ATP1A3: variants seen among roughly 807,000 people sequenced by gnomAD.
ATP1A3 encodes sodium/potassium-transporting ATPase subunit alpha-3.
ATP1A3 carries 12 observed loss-of-function variants against 108.8 expected under a neutral mutation model. The ratio of observed to expected loss-of-function variants is 0.11; its 90% confidence interval spans 0.07 to 0.18. ATP1A3 has a LOEUF of 0.18. Among genes scored for constraint, ATP1A3 ranks in the 10% least tolerant of loss-of-function variants. ATP1A3 has a pLI of 1.00. For missense variants in ATP1A3, 498 were observed against 1,387.7 expected, an observed-to-expected ratio of 0.36 and a Z score of 10.19; for synonymous variants, 539 against 564.5, an observed-to-expected ratio of 0.95 and a Z score of 0.64.
chr19:41,993,525 AC>A, intron 1 of ATP1A3: 1 of 1,239,632 alleles, frequency 8.1e-7, no homozygotes, highest in Non-Finnish European at 1.1e-6. Flanking sequence ...ACACACACAC[AC>A]ACACACACAC....
In ATP1A3 at chr19:41,966,643, G is replaced by A. The variant is rs1219575913; in HGVS notation, c.*294C>T. The A allele has an allele frequency of 6.6e-7, 1 of 1,506,468 alleles. No individual in the cohort carries two copies. The highest frequency in any genetic ancestry group is 8.9e-7 in the Non-Finnish European group (1 of 1,118,940). The allele number at this position is 1,506,468 out of a possible 1,614,324, so 93.3% of individuals were successfully genotyped here. A position where few individuals can be genotyped will look rare whatever the true frequency, so the allele number is the denominator to read the frequency against. On this transcript the variant is annotated 3_prime_UTR_variant, in exon 23 of 23. Transcript: ENST00000648268. ...GAACCAGAGATGGCATCAGCCGGGGGGCTGAAGGGGAGTAAAAAAGAGCCC... is the reference window on the plus strand; with the variant it reads ...GAACCAGAGATGGCATCAGCCGGGGAGCTGAAGGGGAGTAAAAAAGAGCCC...
chr19:41,991,219 G>A (rs1382505944), intron 1 of ATP1A3, among the ~76,000 whole-genome samples: 1 of 152,256 alleles, frequency 6.6e-6, no homozygotes, highest in African/African-American at 2.4e-5. Context: ...GCGCGGCTCA[G>A]CGCTAATCTC....
chr19:41,984,855 C>T lies in ATP1A3; in HGVS notation c.993+63G>A, dbSNP rs542298631. 8.1e-4 allele frequency: 1,262 copies of T among 1,551,408 alleles called. 3 individuals are homozygous for T. The highest frequency in any genetic ancestry group is 1.1e-3 in the Non-Finnish European group (1,210 of 1,144,890). On this transcript the variant is annotated intron_variant, in intron 8 of 22. Transcript: ENST00000648268. The stretch of plus-strand genomic sequence containing the variant: ...GGGTCCAGGATCCCAGCCCCTCCTC[C>T]CTCAGACCCAGGAGCCCAGACCCCC...
intron 1 of ATP1A3, chr19:41,992,833 C>T: frequency 6.5e-6 from 1 of 153,910 alleles, no homozygotes; most frequent in Non-Finnish European, 1.4e-5. Context: ...ACTCCGTTTC[C>T]TAAGACCACC....
At position 41,976,508 on chromosome 19, in the gene ATP1A3, T is replaced by G; in HGVS notation, c.2002A>C (p.Ile668Leu). The G allele has an allele frequency of 6.2e-7, 1 of 1,614,038 alleles. No homozygotes were observed. The highest frequency in any genetic ancestry group is 8.5e-7 in the Non-Finnish European group (1 of 1,180,012). The change falls in exon 15 of 23, where the codon ATC becomes CTC. Residue 668 changes from isoleucine (I) to leucine (L), a missense_variant. Transcript: ENST00000648268. Reference protein sequence around the residue: ...TDLKDFTSEQIDEILQNHTEI... With the variant: ...TDLKDFTSEQLDEILQNHTEI... ...GTGTGATTCTGCAGGATCTCGTCGA[T>G]TTGCTCGGAGGTGAAGTCCTTGAGG...
In ATP1A3 at chr19:41,978,670, C is replaced by T; in HGVS notation, c.1566G>A (p.Glu522=). ...LLQGKEQPLD[E]EMKEAFQNAY... is the part of the protein sequence containing the mutation. ...CATTCTGGAAGGCCTCCTTCATTTC[C>T]TCGTCCAGAGGCTGCTCCTTGCCCT... The change falls in exon 12 of 23, where the codon GAG becomes GAA. Residue 522 remains glutamate (E), a synonymous_variant. Transcript: ENST00000648268. The surrounding 1 kb of genome is among the most constrained non-coding windows in gnomAD (Gnocchi z 8.3). The T allele has an allele frequency of 6.2e-7, 1 of 1,614,086 alleles. No individual in the cohort carries two copies. Among genetic ancestry groups the T allele is most frequent in the African/African-American group, 1.3e-5 (1 of 75,032 alleles).
chr19:41,968,981 G>T lies in ATP1A3; in HGVS notation c.2689-66C>A. On this transcript the variant is annotated intron_variant, in intron 19 of 22. Coordinates refer to ENST00000648268, the MANE Select transcript of ATP1A3 (RefSeq NM_152296.5). This position sits in a 1 kb window ranked among gnomAD's most constrained non-coding sequence, Gnocchi z 5.0. Reference sequence around the variant, plus strand: ...GCACTGCAGCCCTAGCCGCCACCCCGACGTTCCGGTGCTCTTTGCCCCGCC... The same window carrying T: ...GCACTGCAGCCCTAGCCGCCACCCCTACGTTCCGGTGCTCTTTGCCCCGCC... 1.2e-6 allele frequency: 2 copies of T among 1,609,156 alleles called. No homozygotes were observed. Among genetic ancestry groups the T allele is most frequent in the Non-Finnish European group, 1.7e-6 (2 of 1,178,012 alleles).
rs1178386479 is a variant in ATP1A3 at position 41,966,818 on chromosome 19, A to G, written c.*119T>C. 18 of 1,538,500 alleles carry G rather than the reference A, an allele frequency of 1.2e-5. No individual in the cohort carries two copies. The East Asian group carries it at 3.9e-4, about 34-fold the overall frequency. The stretch of plus-strand genomic sequence containing the variant: ...GGAGATAGTGGAGGGGGTGGGGGCC[A>G]AGGTGGGGCCACAGGAAGAGAGGGC... On this transcript the variant is annotated 3_prime_UTR_variant, in exon 23 of 23. Transcript: ENST00000648268.
At chr19:41,982,748 C>A (rs1004976827) in intron 8 of ATP1A3, among the ~76,000 whole-genome samples, 1 of 152,162 alleles carries the variant, frequency 6.6e-6, no homozygotes. Flanking sequence ...GCTGCCTGCA[C>A]CTGCATGGGT....
chr19:41,993,990 GC>G, intron 1 of ATP1A3, 80 bp downstream of exon 1: 2 of 1,585,796 alleles, frequency 1.3e-6, no homozygotes, highest in African/African-American at 1.4e-5. Flanking sequence ...GGGTCCCGGT[GC>G]CCCCGCCCCC....
intron 1 of ATP1A3, chr19:41,993,607 C>T: frequency 1.1e-6 from 1 of 928,284 alleles, no homozygotes; most frequent in South Asian, 1.7e-5. Context: ...TGGTGTCCAT[C>T]CCACAACGTG....
chr19:41,987,489 G>A (rs1405548023), intron 4 of ATP1A3, among the ~76,000 whole-genome samples: 2 of 152,330 alleles, frequency 1.3e-5, no homozygotes. Flanking sequence ...CTACCCAGGT[G>A]AGCAGCTCTG....
Position 41,968,775 on chromosome 19 carries a change from CG to C in ATP1A3, c.2819+9del. On this transcript the variant is annotated intron_variant, in intron 20 of 22. Coordinates refer to ENST00000648268, the MANE Select transcript of ATP1A3 (RefSeq NM_152296.5). This position sits in a 1 kb window ranked among gnomAD's most constrained non-coding sequence, Gnocchi z 5.0. ...TGGCTGTCCAGTCACCATGTGCCCC[CG>C]GCCCTCACTTCATGCCCTGCTGGAA... 6.2e-7 allele frequency: 1 copy of C among 1,613,654 alleles called. No homozygotes were observed. Among genetic ancestry groups the C allele is most frequent in the Non-Finnish European group, 8.5e-7 (1 of 1,179,624 alleles).
At position 41,966,771 on chromosome 19, in the gene ATP1A3, G is replaced by C; in HGVS notation, c.*166C>G. 2 of 1,489,182 alleles carry C rather than the reference G, an allele frequency of 1.3e-6. No homozygotes were observed. Among genetic ancestry groups the C allele is most frequent in the South Asian group, 1.2e-5 (1 of 81,438 alleles). The allele number at this position is 1,489,182 out of a possible 1,614,324, so 92.2% of individuals were successfully genotyped here. A position where few individuals can be genotyped will look rare whatever the true frequency, so the allele number is the denominator to read the frequency against. The stretch of plus-strand genomic sequence containing the variant: ...GAGAGGTTTGGGGCAGGGGAGAGAA[G>C]CCAGCCAGAGTGGGGGCGGCAGGAG... On this transcript the variant is annotated 3_prime_UTR_variant, in exon 23 of 23. Transcript: ENST00000648268.
chr19:41,989,476 G>A (rs1049220432), intron 1 of ATP1A3, among the ~76,000 whole-genome samples: 2 of 151,960 alleles, frequency 1.3e-5, no homozygotes, highest in African/African-American at 4.8e-5. Flanking sequence ...CCGCCACTAC[G>A]CCCGGCTCAT....
intron 1 of ATP1A3, among the ~76,000 whole-genome samples, chr19:41,990,077 CTT>C (rs1223260709): frequency 2.0e-5 from 3 of 152,072 alleles, no homozygotes; most frequent in African/African-American, 7.2e-5. Flanking sequence ...CTGTCTCTGT[CTT>C]TTTCCGTCTT....
At position 41,968,548 on chromosome 19, in the gene ATP1A3, C is replaced by T. The variant is rs549521033; in HGVS notation, c.2819+237G>A. On this transcript the variant is annotated intron_variant, in intron 20 of 22. Coordinates refer to ENST00000648268, the MANE Select transcript of ATP1A3 (RefSeq NM_152296.5). This position sits in a 1 kb window ranked among gnomAD's most constrained non-coding sequence, Gnocchi z 5.0. ...AAAATTAGCCATATATGATGGTGCA[C>T]ACCTGTAGTCTCAGCTACTCAGGAG... Among the ~76,000 whole-genome samples the T allele has an allele frequency of 1.4e-3, 207 of 152,202 alleles. No individual in the cohort carries two copies. Among genetic ancestry groups the T allele is most frequent in the African/African-American group, 4.7e-3 (197 of 41,526 alleles).
chr19:41,967,158 G>A lies in ATP1A3; in HGVS notation c.3013+91C>T, dbSNP rs781911028. On this transcript the variant is annotated intron_variant, in intron 22 of 22. Coordinates refer to ENST00000648268, the MANE Select transcript of ATP1A3 (RefSeq NM_152296.5). This position sits in a 1 kb window ranked among gnomAD's most constrained non-coding sequence, Gnocchi z 4.2. ...AGAAGAGTGGGAACCAGGTGGCAGA[G>A]CCATCCAGCAGGGCGAGGGGAGCCT... 3.4e-5 allele frequency: 54 copies of A among 1,593,756 alleles called. No individual in the cohort carries two copies. The highest frequency in any genetic ancestry group is 4.4e-5 in the Non-Finnish European group (51 of 1,170,442).
intron 16 of ATP1A3, among the ~76,000 whole-genome samples, chr19:41,971,737 A>G (rs2075111910): frequency 6.6e-6 from 1 of 152,138 alleles, no homozygotes; most frequent in Non-Finnish European, 1.5e-5. Context: ...GAGGAGGGAT[A>G]TAGACTGGAA....
Sources: allele counts gnomAD v4.1 joint callset (sites outside exome capture counted in the v4.1 genomes callset), GRCh38; gene constraint gnomAD v4.1.1; non-coding constraint Gnocchi (gnomAD v3.1); transcripts MANE v1.5; gene names NCBI Gene and HGNC (gene_info 2026-07-23, HGNC 2026-07-21).